NUBPL: variants seen among roughly 807,000 people sequenced by gnomAD.
NUBPL encodes the protein NUBP iron-sulfur cluster assembly factor, mitochondrial.
NUBPL carries 31 observed loss-of-function variants against 45.7 expected under a neutral mutation model. The observed-to-expected ratio is 0.68, with a 90% confidence interval of 0.51 to 0.92. The LOEUF is 0.92. Among genes scored for constraint, NUBPL ranks in the 40% least tolerant of loss-of-function variants. The probability of loss-of-function intolerance (pLI) is 0.00; values close to 1 mark genes in which losing one functional copy is unlikely to be tolerated. For synonymous variants in NUBPL, 144 were observed against 140.9 expected, an observed-to-expected ratio of 1.02 and a Z score of -0.15; for missense variants, 401 against 398.7, an observed-to-expected ratio of 1.01 and a Z score of -0.05.
At chr14:31,823,197 T>G (rs1321494687) in intron 7 of NUBPL, among the ~76,000 whole-genome samples, 1 of 152,102 alleles carries the variant, frequency 6.6e-6, no homozygotes, top group Non-Finnish European at 1.5e-5. Context: ...TATGCTGAAG[T>G]AATCTAGGGG....
chr14:31,580,915 T>G (rs142349908), intron 3 of NUBPL, among the ~76,000 whole-genome samples: 1 of 152,324 alleles, frequency 6.6e-6, no homozygotes, highest in African/African-American at 2.4e-5. Context: ...GGTGGAAATT[T>G]GGATTTTTTT....
At chr14:31,615,264 C>A (rs1356188383) in intron 4 of NUBPL, among the ~76,000 whole-genome samples, 1 of 152,030 alleles carries the variant, frequency 6.6e-6, no homozygotes, top group Non-Finnish European at 1.5e-5. Context: ...CTGAGGCATC[C>A]CCAGCCATGC....
At chr14:31,605,743 TCTTC>T (rs1211567891) in intron 4 of NUBPL, among the ~76,000 whole-genome samples, 3 of 151,570 alleles carry the variant, frequency 2.0e-5, no homozygotes, top group African/African-American at 4.8e-5. Flanking sequence ...TTCTTCTTCT[TCTTC>T]CTTCCTTCCT....
chr14:31,616,939 C>T (rs969563636), intron 4 of NUBPL, among the ~76,000 whole-genome samples: 10 of 151,932 alleles, frequency 6.6e-5, no homozygotes, highest in African/African-American at 2.4e-4. Context: ...TTTGTGTCCT[C>T]TCATTTTCTT....
chr14:31,831,368 T>G (rs529250957), intron 8 of NUBPL, among the ~76,000 whole-genome samples: 85 of 152,124 alleles, frequency 5.6e-4, no homozygotes, highest in African/African-American at 2.0e-3. Context: ...ATGAGCTTTT[T>G]TAATTTTATG....
intron 4 of NUBPL, among the ~76,000 whole-genome samples, chr14:31,652,611 A>G (rs2036037242): frequency 1.3e-5 from 2 of 152,312 alleles, no homozygotes; most frequent in Middle Eastern, 3.4e-3. Flanking sequence ...AAATGATGGC[A>G]TTTATATAAA....
chr14:31,689,930 T>C (rs2037054202), intron 6 of NUBPL, among the ~76,000 whole-genome samples: 1 of 5,264 alleles, frequency 1.9e-4, no homozygotes, highest in Non-Finnish European at 4.7e-4. Context: ...CCTTTCCCCA[T>C]TGTTTTTTTT....
intron 10 of NUBPL, among the ~76,000 whole-genome samples, chr14:31,852,974 G>C (rs1417106670): frequency 6.6e-6 from 1 of 152,238 alleles, no homozygotes; most frequent in African/African-American, 2.4e-5. Context: ...AATGAAGGAA[G>C]TGTTTATTTG....
At chr14:31,745,481 A>C (rs2038378631) in intron 6 of NUBPL, among the ~76,000 whole-genome samples, 1 of 151,888 alleles carries the variant, frequency 6.6e-6, no homozygotes, top group Non-Finnish European at 1.5e-5. Context: ...TTTTTAGTAG[A>C]GATGGGGTTT....
At chr14:31,810,170 C>A (rs935000263) in intron 7 of NUBPL, among the ~76,000 whole-genome samples, 1 of 152,096 alleles carries the variant, frequency 6.6e-6, no homozygotes, top group African/African-American at 2.4e-5. Flanking sequence ...CCTGGATATC[C>A]TTGTTAACCT....
chr14:31,676,501 G>C (rs2036702684), intron 6 of NUBPL, among the ~76,000 whole-genome samples: 1 of 151,780 alleles, frequency 6.6e-6, no homozygotes, highest in African/African-American at 2.4e-5. Context: ...CCAGTTTTGG[G>C]CTATTGTGAA....
intron 4 of NUBPL, among the ~76,000 whole-genome samples, chr14:31,656,502 A>G (rs533919066): frequency 9.2e-5 from 14 of 152,294 alleles, no homozygotes; most frequent in Non-Finnish European, 2.1e-4. Context: ...TTTCACTTAA[A>G]CACTTAGAAG....
At chr14:31,622,498 A>T (rs1160672306) in intron 4 of NUBPL, among the ~76,000 whole-genome samples, 1 of 151,860 alleles carries the variant, frequency 6.6e-6, no homozygotes, top group Non-Finnish European at 1.5e-5. Flanking sequence ...AGCCCCTCCC[A>T]TCACGGGCTT....
intron 8 of NUBPL, among the ~76,000 whole-genome samples, chr14:31,837,285 C>A (rs1408865170): frequency 1.3e-5 from 2 of 152,158 alleles, no homozygotes; most frequent in African/African-American, 4.8e-5. Flanking sequence ...GAGCCGTGAT[C>A]ACACTACTGC....
chr14:31,749,170 GT>G (rs1270194182), intron 6 of NUBPL, among the ~76,000 whole-genome samples: 1 of 152,062 alleles, frequency 6.6e-6, no homozygotes, highest in Non-Finnish European at 1.5e-5. Flanking sequence ...ATTATTGATT[GT>G]TTTTTGATTG....
At chr14:31,785,318 C>G (rs1205673794) in intron 6 of NUBPL, among the ~76,000 whole-genome samples, 2 of 152,168 alleles carry the variant, frequency 1.3e-5, no homozygotes, top group Admixed American at 1.3e-4. Context: ...AGACCAGTAC[C>G]AGACCATGGT....
chr14:31,777,885 G>T (rs4981909), intron 6 of NUBPL, among the ~76,000 whole-genome samples: 3 of 152,024 alleles, frequency 2.0e-5, no homozygotes, highest in Non-Finnish European at 1.5e-5. Context: ...GGGAATCTCT[G>T]TTGTGCCCTG....
chr14:31,683,643 G>A (rs1055875274), intron 6 of NUBPL, among the ~76,000 whole-genome samples: 3 of 152,022 alleles, frequency 2.0e-5, no homozygotes, highest in African/African-American at 2.4e-5. Flanking sequence ...GAGCCACCGC[G>A]CCCGGCTGCC....
chr14:31,832,340 A>G (rs1056740518), intron 8 of NUBPL, among the ~76,000 whole-genome samples: 3 of 152,186 alleles, frequency 2.0e-5, no homozygotes, highest in Non-Finnish European at 2.9e-5. Context: ...AAGAGTTGAA[A>G]ATCTTGGGAA....
Sources: gnomAD v4.1 joint callset for allele counts (sites outside exome capture counted in the v4.1 genomes callset) on GRCh38, gnomAD v4.1.1 for gene constraint, MANE v1.5 for transcripts, NCBI Gene and HGNC (gene_info 2026-07-23, HGNC 2026-07-21) for gene names.